The following SGIP1 variants were observed in gnomAD, a reference collection of about 807,000 sequenced individuals.
SGIP1 encodes the protein SH3GL interacting endocytic adaptor 1, also known as SH3-containing GRB2-like protein 3-interacting protein 1.
A neutral mutation model predicts 107.5 loss-of-function variants in SGIP1; 38 were observed. That is an observed-to-expected ratio of 0.35 (90% CI 0.27 to 0.46). SGIP1 has a LOEUF of 0.46. Ranked by LOEUF, SGIP1 falls within the 20% of genes least tolerant of loss-of-function variation. The probability of loss-of-function intolerance (pLI) is 1.00; values close to 1 mark genes in which losing one functional copy is unlikely to be tolerated. For synonymous variants in SGIP1, 365 were observed against 366.1 expected, an observed-to-expected ratio of 1.00 and a Z score of 0.03; for missense variants, 929 against 1,019.5, an observed-to-expected ratio of 0.91 and a Z score of 1.21.
intron 1 of SGIP1, among the ~76,000 whole-genome samples, chr1:66,542,448 G>A (rs1016171440): frequency 6.6e-6 from 1 of 152,048 alleles, no homozygotes; most frequent in Non-Finnish European, 1.5e-5. Context: ...AGTGAATGAC[G>A]TATGCATTGT....
At chr1:66,587,954 C>G (rs979494231) in intron 1 of SGIP1, among the ~76,000 whole-genome samples, 2 of 152,104 alleles carry the variant, frequency 1.3e-5, no homozygotes, top group African/African-American at 2.4e-5. Flanking sequence ...ATTACTTGCA[C>G]TTTTTGCTTT....
intron 1 of SGIP1, among the ~76,000 whole-genome samples, chr1:66,614,845 G>C (rs1391718113): frequency 2.0e-5 from 2 of 100,156 alleles, no homozygotes; most frequent in African/African-American, 7.2e-5. Context: ...TTGAGATGGA[G>C]TTTAGCTCTT....
chr1:66,554,795 T>G (rs1263631637), intron 1 of SGIP1, among the ~76,000 whole-genome samples: 6 of 152,148 alleles, frequency 3.9e-5, no homozygotes, highest in Non-Finnish European at 8.8e-5. Flanking sequence ...TAAGGAATAC[T>G]CAACCTGTAA....
intron 1 of SGIP1, among the ~76,000 whole-genome samples, chr1:66,549,563 T>C (rs1000312409): frequency 6.6e-5 from 10 of 152,174 alleles, no homozygotes; most frequent in African/African-American, 2.2e-4. Flanking sequence ...ACATATTTCC[T>C]GTTACTTTTA....
At chr1:66,734,575 G>A (rs1482008912) in intron 21 of SGIP1, among the ~76,000 whole-genome samples, 1 of 150,526 alleles carries the variant, frequency 6.6e-6, no homozygotes, top group Non-Finnish European at 1.5e-5. Flanking sequence ...CACAATCTTG[G>A]CTCACTGCAA....
chr1:66,729,559 G>T (rs1469590884), intron 20 of SGIP1, 140 bp downstream of exon 20: 14 of 1,170,548 alleles, frequency 1.2e-5, no homozygotes, highest in Non-Finnish European at 1.7e-5. Flanking sequence ...TTCAAGCACA[G>T]AACTTTTACC....
intron 15 of SGIP1, among the ~76,000 whole-genome samples, chr1:66,683,775 G>A (rs886554066): frequency 8.1e-6 from 1 of 123,800 alleles, no homozygotes; most frequent in African/African-American, 3.1e-5. Flanking sequence ...GTACATCTCA[G>A]CTCACTGTAA....
intron 7 of SGIP1, among the ~76,000 whole-genome samples, chr1:66,657,996 C>T (rs1236128323): frequency 2.0e-5 from 3 of 151,894 alleles, no homozygotes; most frequent in African/African-American, 7.3e-5. Context: ...GGATAATAGC[C>T]TAGGTGTTGA....
At chr1:66,702,325 C>T (rs1484028604) in intron 18 of SGIP1, among the ~76,000 whole-genome samples, 1 of 152,174 alleles carries the variant, frequency 6.6e-6, no homozygotes, top group Admixed American at 6.5e-5. Flanking sequence ...TGTCACAAAA[C>T]TGATGTTCCT....
chr1:66,744,188 G>GA lies in SGIP1; in HGVS notation c.*1099dup, dbSNP rs1245805566. 6.6e-6 allele frequency: 1 copy of GA among 152,098 alleles called. No homozygotes were observed. Among genetic ancestry groups the GA allele is most frequent in the African/African-American group, 2.4e-5 (1 of 41,442 alleles). 9.4% of individuals were successfully genotyped at this position (152,098 alleles called of 1,614,324 possible). On this transcript the variant is annotated 3_prime_UTR_variant, in exon 25 of 25. Coordinates refer to ENST00000371037, the MANE Select transcript of SGIP1 (RefSeq NM_032291.4). ...ATCATTGTTTATATCATTTGAGAAT[G>GA]AAAAAATAAGCTTCATAAATGAAAT...
At chr1:66,705,592 A>C (rs1212157578) in intron 18 of SGIP1, among the ~76,000 whole-genome samples, 1 of 152,126 alleles carries the variant, frequency 6.6e-6, no homozygotes, top group African/African-American at 2.4e-5. Flanking sequence ...AGCAGCTCAA[A>C]TAGCAGGCTT....
intron 18 of SGIP1, among the ~76,000 whole-genome samples, chr1:66,696,242 T>G (rs2090900550): frequency 6.6e-6 from 1 of 152,222 alleles, no homozygotes; most frequent in Admixed American, 6.5e-5. Flanking sequence ...GGCCAGTCAT[T>G]TGATTAAATG....
At chr1:66,605,387 G>A (rs1421594607) in intron 1 of SGIP1, among the ~76,000 whole-genome samples, 3 of 152,118 alleles carry the variant, frequency 2.0e-5, no homozygotes, top group East Asian at 3.9e-4. Context: ...AAGGGGTAGA[G>A]AAATTTAAAA....
intron 1 of SGIP1, among the ~76,000 whole-genome samples, chr1:66,584,849 G>A (rs928993526): frequency 1.3e-5 from 2 of 152,142 alleles, no homozygotes; most frequent in African/African-American, 2.4e-5. Context: ...CTTTCCTGGT[G>A]CTTAGTGTTT....
intron 1 of SGIP1, 74 bp from the exon 2 acceptor site, chr1:66,625,773 G>A: frequency 1.5e-6 from 2 of 1,306,822 alleles, no homozygotes; most frequent in Non-Finnish European, 2.2e-6. Context: ...TCTAACTGGT[G>A]TGTTACAACC....
At chr1:66,740,326 C>A (rs2094407416) in intron 22 of SGIP1, among the ~76,000 whole-genome samples, 1 of 150,324 alleles carries the variant, frequency 6.7e-6, no homozygotes, top group Admixed American at 6.6e-5. Context: ...TCAGCCAGAT[C>A]ATGACCCCAA....
chr1:66,678,347 C>T (rs778634165), intron 13 of SGIP1, among the ~76,000 whole-genome samples: 2 of 152,234 alleles, frequency 1.3e-5, no homozygotes, highest in East Asian at 1.9e-4. Context: ...GTGAGTCTTA[C>T]GTGCTGTGGT....
At chr1:66,623,493 C>T (rs1252369803) in intron 1 of SGIP1, among the ~76,000 whole-genome samples, 1 of 152,188 alleles carries the variant, frequency 6.6e-6, no homozygotes, top group Non-Finnish European at 1.5e-5. Flanking sequence ...TCAAGTGATC[C>T]ACCCGCCTCA....
intron 1 of SGIP1, among the ~76,000 whole-genome samples, chr1:66,555,941 G>A (rs1165154172): frequency 6.6e-6 from 1 of 152,130 alleles, no homozygotes; most frequent in Non-Finnish European, 1.5e-5. Context: ...AAGAAAGCTA[G>A]AACATGGTTA....
Sources: gnomAD v4.1 joint callset for allele counts (sites outside exome capture counted in the v4.1 genomes callset) on GRCh38, gnomAD v4.1.1 for gene constraint, MANE v1.5 for transcripts, NCBI Gene and HGNC (gene_info 2026-07-23, HGNC 2026-07-21) for gene names.